Variants in MPHOSPH8 observed in about 807,000 individuals in gnomAD.
MPHOSPH8 encodes M-phase phosphoprotein, mpp.
A neutral mutation model predicts 87.3 loss-of-function variants in MPHOSPH8; 45 were observed. The observed-to-expected ratio is 0.52, with a 90% CI of 0.41 to 0.66. The LOEUF is 0.66. MPHOSPH8 is among the 30% of genes least tolerant of loss of function. The pLI is 0.00. For synonymous variants in MPHOSPH8, 366 were observed against 376.9 expected (o/e 0.97, Z 0.33); for missense variants, 883 against 1,020.2 (o/e 0.87, Z 1.83).
At chr13:19,666,875 A>T (rs1362957202) in intron 10 of MPHOSPH8, among the ~76,000 whole-genome samples, 4 of 152,172 alleles carry the variant, frequency 2.6e-5, no homozygotes, top group African/African-American at 9.7e-5. Context: ...AAAACATTTA[A>T]ACTTGGCCGG....
chr13:19,653,515 G>A (rs1284824005), intron 5 of MPHOSPH8, among the ~76,000 whole-genome samples: 2 of 152,162 alleles, frequency 1.3e-5, no homozygotes, highest in African/African-American at 4.8e-5. Flanking sequence ...CTTCTCCAAA[G>A]GATCACAACT....
At chr13:19,662,904 G>A (rs985050212) in intron 8 of MPHOSPH8, 136 bp from the exon 9 acceptor site, 6 of 736,586 alleles carry the variant, frequency 8.1e-6, no homozygotes, top group South Asian at 1.8e-5. Flanking sequence ...GTGGCCCCAC[G>A]GGAATGCTGC....
chr13:19,665,314 T>C (rs1473097779), intron 9 of MPHOSPH8, among the ~76,000 whole-genome samples: 1 of 152,218 alleles, frequency 6.6e-6, no homozygotes, highest in Non-Finnish European at 1.5e-5. Flanking sequence ...TGAGAAGATG[T>C]AAACATAGTG....
At chr13:19,647,450 G>A (rs1874629970) in intron 3 of MPHOSPH8, among the ~76,000 whole-genome samples, 159 bp downstream of exon 3, 1 of 152,194 alleles carries the variant, frequency 6.6e-6, no homozygotes, top group Admixed American at 6.5e-5. Flanking sequence ...TTATCTCTTA[G>A]TCTCTGGTTT....
chr13:19,652,441 A>G (rs1475756586), intron 5 of MPHOSPH8, among the ~76,000 whole-genome samples: 1 of 152,188 alleles, frequency 6.6e-6, no homozygotes, highest in Non-Finnish European at 1.5e-5. Flanking sequence ...CTCACAGACC[A>G]GGAGATTCCC....
chr13:19,640,522 T>A (rs1011192187), intron 1 of MPHOSPH8, among the ~76,000 whole-genome samples: 1 of 152,112 alleles, frequency 6.6e-6, no homozygotes, highest in South Asian at 2.1e-4. Flanking sequence ...GCAGTGTGTT[T>A]TAATCTTTAA....
Position 19,633,756 on chromosome 13 carries a change from A to C in MPHOSPH8, c.8A>C (p.Gln3Pro). 6.3e-7 allele frequency: 1 copy of C among 1,595,210 alleles called. No homozygotes were observed. Among genetic ancestry groups the C allele is most frequent in the Non-Finnish European group, 8.5e-7 (1 of 1,171,690 alleles). The change falls in exon 1 of 14, where the codon CAG (glutamine) becomes CCG (proline). Residue 3 changes from glutamine to proline, a missense_variant. Around this residue, in one of 3 missense-constraint regions of MPHOSPH8, gnomAD observed 103 missense variants for 96.3 expected, o/e 1.07. Coordinates refer to ENST00000361479, the MANE Select transcript of MPHOSPH8 (RefSeq NM_017520.4). The part of the protein sequence containing the change: ME[Q>P]VAEGARVTAV... ...GTTTGCGGAGCTGCTAGGATGGAGC[A>C]GGTTGCGGAGGGAGCAAGGGTGACC...
chr13:19,634,002 C>T, intron 1 of MPHOSPH8, 41 bp downstream of exon 1: 2 of 1,578,034 alleles, frequency 1.3e-6, no homozygotes. Flanking sequence ...GCGGGGAGCT[C>T]CGGGCCTGGC....
At chr13:19,663,438 G>A (rs1448580426) in intron 9 of MPHOSPH8, among the ~76,000 whole-genome samples, 1 of 152,218 alleles carries the variant, frequency 6.6e-6, no homozygotes, top group African/African-American at 2.4e-5. Flanking sequence ...TGTCCTAAAT[G>A]GCAGTCAAGT....
At chr13:19,647,938 T>C (rs561372289) in intron 3 of MPHOSPH8, among the ~76,000 whole-genome samples, 98 of 152,238 alleles carry the variant, frequency 6.4e-4, no homozygotes, top group African/African-American at 2.2e-3. Flanking sequence ...TCTTCATTAG[T>C]GCTACAGCAA....
chr13:19,673,123 C>T lies in MPHOSPH8; in HGVS notation c.*1248C>T, dbSNP rs1416058444. On this transcript the variant is annotated 3_prime_UTR_variant, in exon 14 of 14. Coordinates refer to ENST00000361479, the MANE Select transcript of MPHOSPH8 (RefSeq NM_017520.4). The stretch of plus-strand genomic sequence containing the variant: ...GTTTTTTTTTTTTGAAAAGCCAGAC[C>T]TTGTGCCCTTGTTTTGAACACCGAC... The T allele has an allele frequency of 2.2e-5, 10 of 449,610 alleles. No homozygotes were observed. In the East Asian group the frequency reaches 5.6e-4, roughly 25 times the overall value. 27.9% of individuals were successfully genotyped at this position (449,610 alleles called of 1,614,324 possible). A position where few individuals can be genotyped will look rare whatever the true frequency, so the allele number is the denominator to read the frequency against.
chr13:19,650,872 AC>A (rs199627691), intron 5 of MPHOSPH8, among the ~76,000 whole-genome samples: 1,679 of 152,310 alleles, frequency 0.011, 32 homozygotes, highest in African/African-American at 0.039. Flanking sequence ...CGCCTGGGAA[AC>A]CCTTATACTA....
intron 13 of MPHOSPH8, 52 bp from the exon 14 acceptor site, chr13:19,671,782 G>T: frequency 6.4e-7 from 1 of 1,574,052 alleles, no homozygotes; most frequent in South Asian, 1.1e-5. Flanking sequence ...TTTCTTGTAA[G>T]AAAGGGGAAA....
rs962690193 is a variant in MPHOSPH8 at position 19,666,319 on chromosome 13, C to T, written c.2020-106C>T. On this transcript the variant is annotated intron_variant, in intron 9 of 13. Coordinates refer to ENST00000361479, the MANE Select transcript of MPHOSPH8 (RefSeq NM_017520.4). ...AAAGTTCTCTATCCTTCTTCCATGG[C>T]CTGTGCCCTCTCTTCACAGAACCGC... The T allele has an allele frequency of 3.7e-5, 44 of 1,203,740 alleles. No homozygotes were observed. In the Middle Eastern group the frequency reaches 8.2e-4, roughly 22 times the overall value. The allele number at this position is 1,203,740 out of a possible 1,614,324, so 74.6% of individuals were successfully genotyped here.
At chr13:19,641,321 ATTTT>A (rs35454448) in intron 1 of MPHOSPH8, among the ~76,000 whole-genome samples, 3 of 106,486 alleles carry the variant, frequency 2.8e-5, no homozygotes, top group Non-Finnish European at 2.0e-5. Context: ...TGCCCAGCTA[ATTTT>A]TTTTTTTTTT....
intron 7 of MPHOSPH8, chr13:19,659,572 C>A: frequency 2.6e-6 from 1 of 382,558 alleles, no homozygotes. Context: ...GCTGAGGTGA[C>A]AGGATCACCT....
chr13:19,641,908 A>G (rs1310172894), intron 1 of MPHOSPH8, among the ~76,000 whole-genome samples: 1 of 152,136 alleles, frequency 6.6e-6, no homozygotes, highest in Non-Finnish European at 1.5e-5. Context: ...TGCTGGGATT[A>G]TAGGCATGAT....
intron 8 of MPHOSPH8, among the ~76,000 whole-genome samples, 197 bp downstream of exon 8, chr13:19,662,035 G>A (rs898038070): frequency 3.3e-5 from 5 of 151,552 alleles, no homozygotes; most frequent in East Asian, 1.9e-4. Flanking sequence ...TCCACCTCCC[G>A]GGTTCACTCC....
intron 1 of MPHOSPH8, among the ~76,000 whole-genome samples, chr13:19,638,861 T>A (rs1360046965): frequency 6.6e-6 from 1 of 151,188 alleles, no homozygotes; most frequent in Admixed American, 6.6e-5. Flanking sequence ...TGCTAGCGGA[T>A]CTCTTGAGGT....
Sources: allele counts gnomAD v4.1 joint callset (sites outside exome capture counted in the v4.1 genomes callset), GRCh38; gene constraint gnomAD v4.1.1; regional missense constraint gnomAD v4.1.1; transcripts MANE v1.5; gene names NCBI Gene and HGNC (gene_info 2026-07-23, HGNC 2026-07-21).